Variants in NWD1 observed in about 807,000 individuals in gnomAD.
NWD1 encodes NACHT and WD repeat domain containing 1, also known as NACHT domain- and WD repeat-containing protein 1.
In NWD1, 129 loss-of-function variants were observed where a neutral mutation model predicts 135.1. The observed-to-expected ratio is 0.96, with a 90% confidence interval of 0.83 to 1.11. NWD1 has a LOEUF of 1.11. NWD1 is among the 50% of genes least tolerant of loss of function. The pLI is 0.00. For missense variants in NWD1, 1,740 were observed against 1,851.3 expected (o/e 0.94, Z 1.10); for synonymous variants, 773 against 786.0 (o/e 0.98, Z 0.28).
At chr19:16,726,590 C>T (rs954507632) in intron 2 of NWD1, among the ~76,000 whole-genome samples, 2 of 152,114 alleles carry the variant, frequency 1.3e-5, no homozygotes, top group African/African-American at 4.8e-5. Flanking sequence ...CAGGCCTGCG[C>T]CACCACACCT....
chr19:16,782,543 A>G (rs904218650), intron 12 of NWD1, among the ~76,000 whole-genome samples: 11 of 152,156 alleles, frequency 7.2e-5, no homozygotes, highest in Non-Finnish European at 1.2e-4. Flanking sequence ...ATTAGAGATG[A>G]CATATTCAAA....
At chr19:16,796,406 G>A (rs1970418416) in intron 15 of NWD1, among the ~76,000 whole-genome samples, 1 of 152,132 alleles carries the variant, frequency 6.6e-6, no homozygotes, top group Non-Finnish European at 1.5e-5. Context: ...AGATTGCAGT[G>A]AGCCAAGATC....
chr19:16,777,121 G>A (rs2122972934), intron 11 of NWD1, among the ~76,000 whole-genome samples: 1 of 5,884 alleles, frequency 1.7e-4, no homozygotes. Flanking sequence ...AAAGGGAAGG[G>A]GAGGGAAGGG....
At chr19:16,797,106 G>C (rs1055226573) in intron 15 of NWD1, among the ~76,000 whole-genome samples, 2 of 151,612 alleles carry the variant, frequency 1.3e-5, no homozygotes, top group Non-Finnish European at 2.9e-5. Context: ...CTTGAACCCA[G>C]GAGGCAGAGG....
At chr19:16,739,191 A>G (rs951135511) in intron 4 of NWD1, among the ~76,000 whole-genome samples, 3 of 17,610 alleles carry the variant, frequency 1.7e-4, no homozygotes, top group South Asian at 9.0e-4. Context: ...AGTTTCCAAG[A>G]AAAAAAAAAA....
At chr19:16,741,274 G>T (rs1393223170) in intron 4 of NWD1, among the ~76,000 whole-genome samples, 1 of 151,922 alleles carries the variant, frequency 6.6e-6, no homozygotes, top group East Asian at 2.0e-4. Context: ...CTGCCACAGG[G>T]CCTTTGCACA....
chr19:16,773,098 C>T, intron 10 of NWD1, 28 bp from the exon 11 acceptor site: 1 of 1,606,644 alleles, frequency 6.2e-7, no homozygotes, highest in South Asian at 1.1e-5. Context: ...TCAATCCAGG[C>T]AACTTAGTCT....
chr19:16,790,528 C>A (rs1193314057), intron 13 of NWD1, among the ~76,000 whole-genome samples: 2 of 151,536 alleles, frequency 1.3e-5, no homozygotes, highest in East Asian at 3.9e-4. Flanking sequence ...GGGCTTAAAA[C>A]CTAGATGACG....
intron 4 of NWD1, among the ~76,000 whole-genome samples, chr19:16,737,376 C>T (rs933579873): frequency 5.9e-5 from 9 of 152,026 alleles, no homozygotes; most frequent in African/African-American, 2.2e-4. Context: ...ATCTCCCTGC[C>T]TTGTTCTCCC....
chr19:16,762,511 G>A (rs1969061551), intron 8 of NWD1, among the ~76,000 whole-genome samples: 1 of 151,874 alleles, frequency 6.6e-6, no homozygotes, highest in African/African-American at 2.4e-5. Context: ...TGGCCATACT[G>A]GTCTCGAACT....
chr19:16,754,013 T>A (rs536604571), intron 6 of NWD1, among the ~76,000 whole-genome samples: 1 of 145,016 alleles, frequency 6.9e-6, no homozygotes, highest in South Asian at 2.2e-4. Flanking sequence ...ATCCATCATC[T>A]CTATCTTCCA....
chr19:16,723,390 G>A (rs1331440543), intron 1 of NWD1, among the ~76,000 whole-genome samples: 1 of 152,092 alleles, frequency 6.6e-6, no homozygotes, highest in Non-Finnish European at 1.5e-5. Flanking sequence ...GTAGAAATGG[G>A]GTTTCACCAT....
intron 5 of NWD1, among the ~76,000 whole-genome samples, chr19:16,746,370 A>C (rs771253076): frequency 3.4e-5 from 5 of 147,816 alleles, no homozygotes; most frequent in Middle Eastern, 7.7e-3. Flanking sequence ...AAACAAACAA[A>C]CAAAGAAACA....
rs201376808 is a variant in NWD1 at position 16,754,703 on chromosome 19, G to GCATC, written c.1769+4309_1769+4312dup. On this transcript the variant is annotated intron_variant, in intron 6 of 18. Coordinates refer to ENST00000524140, the MANE Select transcript of NWD1 (RefSeq NM_001007525.5). ...ATCTTCCATCCATCCATCATCTCTA[G>GCATC]CATCCATCCATCCATCCATCATCTC... Among the ~76,000 whole-genome samples, 801 of 120,148 alleles carry GCATC rather than the reference G, an allele frequency of 6.7e-3. 11 individuals are homozygous for GCATC. The highest frequency in any genetic ancestry group is 0.022 in the African/African-American group (689 of 30,730). 78.8% of individuals were successfully genotyped at this position (120,148 alleles called of 152,430 possible).
intron 4 of NWD1, chr19:16,738,265 A>C (rs1047943903): frequency 4.4e-6 from 2 of 450,730 alleles, no homozygotes; most frequent in Non-Finnish European, 8.9e-6. Context: ...GTAAAGAGGG[A>C]AAAAGTAAAG....
chr19:16,736,156 A>G (rs182302069), intron 3 of NWD1, among the ~76,000 whole-genome samples: 12 of 95,476 alleles, frequency 1.3e-4, no homozygotes, highest in Admixed American at 3.8e-4. Flanking sequence ...CTTATTTCTC[A>G]TGACCTTGGC....
chr19:16,736,839 GGTACCGTTTCTGCTTTC>G (rs1255696621), intron 4 of NWD1, 89 bp downstream of exon 4: 4 of 812,502 alleles, frequency 4.9e-6, no homozygotes, highest in Admixed American at 4.0e-5. Context: ...GAGGGAAGTA[GGTACCGTTTCTGCTTTC>G]GTACCTTATC....
chr19:16,763,995 G>A lies in NWD1; in HGVS notation c.2251+50G>A, dbSNP rs143073470. 802 of 1,103,736 alleles carry A rather than the reference G, an allele frequency of 7.3e-4. 6 individuals carry two copies. The East Asian group carries it at 0.016, about 22-fold the overall frequency. 68.4% of individuals were successfully genotyped at this position (1,103,736 alleles called of 1,614,324 possible). On this transcript the variant is annotated intron_variant, in intron 9 of 18. Coordinates refer to ENST00000524140, the MANE Select transcript of NWD1 (RefSeq NM_001007525.5). Reference sequence around the variant, plus strand: ...GGACCGAGCCTGGTGACTGCACCACGCTCCAGTCTTCTAGAGCCTGGGGAG... The same window carrying A: ...GGACCGAGCCTGGTGACTGCACCACACTCCAGTCTTCTAGAGCCTGGGGAG...
At chr19:16,755,221 C>CT (rs113345639) in intron 6 of NWD1, among the ~76,000 whole-genome samples, 39 of 151,936 alleles carry the variant, frequency 2.6e-4, no homozygotes, top group African/African-American at 9.2e-4. Context: ...CTCTCTCTCT[C>CT]TTTTTTGGGG....
Sources: allele counts gnomAD v4.1 joint callset (sites outside exome capture counted in the v4.1 genomes callset), GRCh38; gene constraint gnomAD v4.1.1; transcripts MANE v1.5; gene names NCBI Gene and HGNC (gene_info 2026-07-23, HGNC 2026-07-21).